The following EPS15L1 variants were observed in gnomAD, a reference collection of about 807,000 sequenced individuals.
The protein encoded by EPS15L1 is epidermal growth factor receptor substrate 15-like 1.
Under a neutral mutation model 117.1 loss-of-function variants are expected in EPS15L1, and 43 were observed. The ratio of observed to expected loss-of-function variants is 0.37; its 90% CI spans 0.29 to 0.47. The LOEUF is 0.47. Among genes scored for constraint, EPS15L1 ranks in the 20% least tolerant of loss-of-function variants. The pLI, the probability that EPS15L1 is intolerant of heterozygous loss-of-function variation, is 0.99. For missense variants in EPS15L1, 981 were observed against 1,164.0 expected (o/e 0.84, Z 2.29); for synonymous variants, 459 against 470.5 (o/e 0.98, Z 0.32).
intron 13 of EPS15L1, chr19:16,412,780 A>T: frequency 2.5e-6 from 1 of 395,142 alleles, no homozygotes; most frequent in South Asian, 2.1e-5. Flanking sequence ...AGGTTTCAGC[A>T]GTGGCATCTG....
In EPS15L1 at chr19:16,458,569, G is replaced by C. The variant is rs568635814; in HGVS notation, c.33+13344C>G. ...TCGCACACAGCCACTCCTCTGCTCA[G>C]AAAGGCTCTTCAGGGTGTGTAACGG... On this transcript the variant is annotated intron_variant, in intron 1 of 23. Transcript: ENST00000455140. Among the ~76,000 whole-genome samples the C allele has an allele frequency of 5.3e-5, 8 of 151,866 alleles. No homozygotes were observed. The South Asian group carries it at 1.5e-3, about 28-fold the overall frequency.
chr19:16,368,253 GACAC>G (rs141632584), intron 22 of EPS15L1, among the ~76,000 whole-genome samples: 1 of 151,664 alleles, frequency 6.6e-6, no homozygotes, highest in Non-Finnish European at 1.5e-5. Flanking sequence ...TACACAATGG[GACAC>G]ACACACACAA....
chr19:16,392,611 G>A (rs2092490070), intron 18 of EPS15L1, among the ~76,000 whole-genome samples, 171 bp from the exon 19 acceptor site: 1 of 152,174 alleles, frequency 6.6e-6, no homozygotes, highest in African/African-American at 2.4e-5. Context: ...AGGGTGGAGG[G>A]TGACAACAAA....
At chr19:16,384,071 G>A (rs370482356) in intron 21 of EPS15L1, 6 of 152,524 alleles carry the variant, frequency 3.9e-5, no homozygotes, top group African/African-American at 1.4e-4. Context: ...CTCCAGGAGG[G>A]GGGCTGTGTT....
chr19:16,457,762 C>T (rs904499764), intron 1 of EPS15L1, among the ~76,000 whole-genome samples: 1 of 152,108 alleles, frequency 6.6e-6, no homozygotes, highest in Non-Finnish European at 1.5e-5. Flanking sequence ...ATCACCCCTC[C>T]CGGGCATCTC....
At chr19:16,461,057 G>C (rs1418988853) in intron 1 of EPS15L1, among the ~76,000 whole-genome samples, 1 of 152,112 alleles carries the variant, frequency 6.6e-6, no homozygotes, top group Non-Finnish European at 1.5e-5. Flanking sequence ...TGTAATCCCA[G>C]CACTTTGGGA....
intron 13 of EPS15L1, 108 bp downstream of exon 13, chr19:16,413,665 C>T: frequency 1.1e-6 from 1 of 897,740 alleles, no homozygotes; most frequent in South Asian, 1.5e-5. Context: ...GCTCATGTTT[C>T]CATCCAGGGC....
At chr19:16,357,397 T>A (rs2091995736) in intron 23 of EPS15L1, 1 of 151,774 alleles carries the variant, frequency 6.6e-6, no homozygotes, top group Non-Finnish European at 1.5e-5. Flanking sequence ...AAGCGTGGGG[T>A]GGGATAAGCC....
chr19:16,355,417 C>G lies in EPS15L1; in HGVS notation c.*288G>C. 5.1e-6 allele frequency: 2 copies of G among 395,248 alleles called. No homozygotes were observed. Among genetic ancestry groups the G allele is most frequent in the Non-Finnish European group, 9.2e-6 (2 of 218,036 alleles). The allele number at this position is 395,248 out of a possible 1,614,324, so 24.5% of individuals were successfully genotyped here. ...TGGGTGCTTCCTCTCCTCGACTGAC[C>G]GCTGTGTGTTCGTCCCCAGAGGAAG... On this transcript the variant is annotated 3_prime_UTR_variant, in exon 24 of 24. Transcript: ENST00000455140.
intron 7 of EPS15L1, among the ~76,000 whole-genome samples, chr19:16,429,821 T>C (rs1406783861): frequency 6.6e-6 from 1 of 152,164 alleles, no homozygotes; most frequent in East Asian, 1.9e-4. Context: ...CAACAGGCCT[T>C]TCTGGCTCCA....
At chr19:16,358,732 C>T (rs1007170511) in intron 23 of EPS15L1, among the ~76,000 whole-genome samples, 1 of 152,256 alleles carries the variant, frequency 6.6e-6, no homozygotes, top group Non-Finnish European at 1.5e-5. Flanking sequence ...TGTCTGATGG[C>T]ACTTCCACCC....
chr19:16,402,773 T>TG (rs914749089), intron 15 of EPS15L1, among the ~76,000 whole-genome samples: 1 of 152,068 alleles, frequency 6.6e-6, no homozygotes, highest in East Asian at 1.9e-4. Flanking sequence ...TTTGTAGAGA[T>TG]GGGGTCTCGC....
In EPS15L1 at chr19:16,361,760, G is replaced by C. The variant is rs773968543; in HGVS notation, c.2586+19C>G. The C allele has an allele frequency of 1.3e-5, 21 of 1,606,714 alleles. No individual in the cohort carries two copies. The highest frequency in any genetic ancestry group is 1.6e-5 in the Non-Finnish European group (19 of 1,176,526). On this transcript the variant is annotated intron_variant, in intron 23 of 23. Transcript: ENST00000455140. The stretch of plus-strand genomic sequence containing the variant: ...GCGGAAGGGAGTGGGGTGGCCCGGA[G>C]GCGGAGGACTCAACTTACAGAGGTG...
At chr19:16,461,832 G>A (rs1217169092) in intron 1 of EPS15L1, among the ~76,000 whole-genome samples, 2 of 152,188 alleles carry the variant, frequency 1.3e-5, no homozygotes, top group Non-Finnish European at 2.9e-5. Flanking sequence ...TCTGGGCCCT[G>A]TGCCTGTTTC....
At position 16,370,501 on chromosome 19, in the gene EPS15L1, C is replaced by A. The variant is rs2092207449; in HGVS notation, c.2380+6621G>T. 6.6e-6 allele frequency among the ~76,000 whole-genome samples: 1 copy of A among 152,050 alleles called. No individual in the cohort carries two copies. Among genetic ancestry groups the A allele is most frequent in the Non-Finnish European group, 1.5e-5 (1 of 67,994 alleles). On this transcript the variant is annotated intron_variant, in intron 22 of 23. Coordinates refer to ENST00000455140, the MANE Select transcript of EPS15L1 (RefSeq NM_001258374.3). This position sits in a 1 kb window ranked among gnomAD's most constrained non-coding sequence, Gnocchi z 5.2. Reference sequence around the variant, plus strand: ...CTATACTCAGATGCTGGGGTGGGAGCCCAGCCACTCTAGGCCTGCACCCCA... The same window carrying A: ...CTATACTCAGATGCTGGGGTGGGAGACCAGCCACTCTAGGCCTGCACCCCA...
intron 16 of EPS15L1, among the ~76,000 whole-genome samples, chr19:16,397,812 T>C (rs2092555817): frequency 6.6e-6 from 1 of 152,146 alleles, no homozygotes; most frequent in Admixed American, 6.5e-5. Context: ...GTTTGTCATA[T>C]ACATGGGAAC....
At chr19:16,379,353 A>G (rs543236672) in intron 21 of EPS15L1, among the ~76,000 whole-genome samples, 1 of 152,302 alleles carries the variant, frequency 6.6e-6, no homozygotes, top group African/African-American at 2.4e-5. Flanking sequence ...AAGAGCATAG[A>G]AGAGAAAGAT....
chr19:16,410,133 CAAAA>C (rs200662040), intron 13 of EPS15L1, among the ~76,000 whole-genome samples: 3 of 81,746 alleles, frequency 3.7e-5, no homozygotes, highest in Non-Finnish European at 5.1e-5. Flanking sequence ...GACTCCGTCT[CAAAA>C]AAAAAAAAAA....
chr19:16,355,766 T>TGCCGCC lies in EPS15L1; in HGVS notation c.2666_2671dup (p.Arg889_Arg890dup). On this transcript the variant is annotated inframe_insertion, in exon 24 of 24. Transcript: ENST00000455140. ...GGCCAGTTCCAGGTCCTCCTGCTCC[T>TGCCGCC]GCCGCCGCAGCCGCGCCAGCCTCTC... 1 of 1,536,070 alleles carries TGCCGCC rather than the reference T, an allele frequency of 6.5e-7. No individual in the cohort carries two copies. Among genetic ancestry groups the TGCCGCC allele is most frequent in the Non-Finnish European group, 8.7e-7 (1 of 1,146,832 alleles).
Sources: allele counts gnomAD v4.1 joint callset (sites outside exome capture counted in the v4.1 genomes callset), GRCh38; gene constraint gnomAD v4.1.1; non-coding constraint Gnocchi (gnomAD v3.1); transcripts MANE v1.5; gene names NCBI Gene and HGNC (gene_info 2026-07-23, HGNC 2026-07-21).